AS3MT: variants seen among roughly 807,000 people sequenced by gnomAD.
AS3MT encodes the protein arsenite methyltransferase, also known as S-adenosyl-L-methionine:arsenic(III) methyltransferase.
In AS3MT, 47 loss-of-function variants were observed where a neutral mutation model predicts 45.3. The observed-to-expected ratio is 1.04, with a 90% CI of 0.82 to 1.32. The LOEUF is 1.32. Among genes scored for constraint, AS3MT ranks in the 40% most tolerant of loss-of-function variants. AS3MT has a pLI of 0.00. For missense variants in AS3MT, 396 were observed against 451.1 expected (o/e 0.88, Z 1.11); for synonymous variants, 141 against 152.8 (o/e 0.92, Z 0.57).
At chr10:102,871,669 G>C (rs1440887189) in intron 3 of AS3MT, among the ~76,000 whole-genome samples, 2 of 141,094 alleles carry the variant, frequency 1.4e-5, no homozygotes, top group Admixed American at 7.0e-5. Context: ...CGGAGCTTGC[G>C]GTGAGCTGAG....
Position 102,885,492 on chromosome 10 carries a change from C to T in AS3MT, c.886-5052C>T, listed in dbSNP as rs1226952260. 2.4e-5 allele frequency among the ~76,000 whole-genome samples: 2 copies of T among 82,282 alleles called. 1 individual carries two copies. The highest frequency in any genetic ancestry group is 4.7e-5 in the Non-Finnish European group (2 of 42,972). 54.0% of individuals were successfully genotyped at this position (82,282 alleles called of 152,430 possible). A position where few individuals can be genotyped will look rare whatever the true frequency, so the allele number is the denominator to read the frequency against. The stretch of plus-strand genomic sequence containing the variant: ...TACAGGCGCGTGCCACCACACCCAA[C>T]TAATTTTTTTTTTTTTTTTTTTTTT... On this transcript the variant is annotated intron_variant, in intron 9 of 10. Transcript: ENST00000369880.
chr10:102,884,657 C>T (rs1010606258), intron 9 of AS3MT, among the ~76,000 whole-genome samples: 3 of 152,086 alleles, frequency 2.0e-5, no homozygotes, highest in Non-Finnish European at 4.4e-5. Flanking sequence ...AGCCATTCTC[C>T]TGTCTCAGCC....
chr10:102,870,928 C>T (rs770197840), intron 3 of AS3MT, among the ~76,000 whole-genome samples: 23 of 152,164 alleles, frequency 1.5e-4, no homozygotes, highest in Non-Finnish European at 2.4e-4. Flanking sequence ...TTTCTGTGCA[C>T]GATGTTTTAT....
chr10:102,899,007 C>G (rs977874292), intron 10 of AS3MT, among the ~76,000 whole-genome samples: 7 of 152,176 alleles, frequency 4.6e-5, no homozygotes, highest in African/African-American at 1.7e-4. Flanking sequence ...TCATTTCCTT[C>G]AAGTCTTGAG....
chr10:102,888,109 A>C, intron 9 of AS3MT: 1 of 163,896 alleles, frequency 6.1e-6, no homozygotes, highest in Non-Finnish European at 1.3e-5. Context: ...AAACTGCTCA[A>C]AATTGGCAGC....
chr10:102,888,865 ATATATATATATATATATTTTT>A (rs1845004395), intron 9 of AS3MT, among the ~76,000 whole-genome samples: 1 of 83,542 alleles, frequency 1.2e-5, no homozygotes, highest in African/African-American at 5.2e-5. Flanking sequence ...ATATATATAT[ATATATATATATATATATTTTT>A]TTTTTTTTTT....
At chr10:102,895,849 C>G (rs1168241707) in intron 10 of AS3MT, among the ~76,000 whole-genome samples, 1 of 151,824 alleles carries the variant, frequency 6.6e-6, no homozygotes, top group Non-Finnish European at 1.5e-5. Context: ...GGTCTTGGCT[C>G]ACCGCAACCT....
chr10:102,869,762 C>G, intron 1 of AS3MT, 43 bp from the exon 2 acceptor site: 1 of 1,613,980 alleles, frequency 6.2e-7, no homozygotes, highest in South Asian at 1.1e-5. Flanking sequence ...ATGCCCGTCC[C>G]TCAGCACCCT....
chr10:102,878,657 A>AC (rs956046716), intron 8 of AS3MT, 147 bp downstream of exon 8: 76 of 1,337,744 alleles, frequency 5.7e-5, no homozygotes, highest in Non-Finnish European at 7.4e-5. Flanking sequence ...TACAATGGTA[A>AC]CCCCCCAAAA....
At chr10:102,878,779 C>T (rs573722352) in intron 8 of AS3MT, 70 bp from the exon 9 acceptor site, 1 of 1,553,082 alleles carries the variant, frequency 6.4e-7, no homozygotes, top group African/African-American at 1.4e-5. Flanking sequence ...CGTGTTTGCT[C>T]CTTGTCTGCT....
chr10:102,873,016 C>A, intron 4 of AS3MT, 81 bp from the exon 5 acceptor site: 1 of 1,178,994 alleles, frequency 8.5e-7, no homozygotes, highest in Non-Finnish European at 1.2e-6. Flanking sequence ...GAAGTATATT[C>A]TGTTAGTGAT....
intron 9 of AS3MT, among the ~76,000 whole-genome samples, chr10:102,889,769 G>C (rs1161176484): frequency 2.0e-5 from 3 of 150,562 alleles, no homozygotes; most frequent in Non-Finnish European, 4.4e-5. Context: ...TCCGCCTCCT[G>C]GGTTCAAGCA....
intron 10 of AS3MT, among the ~76,000 whole-genome samples, chr10:102,898,739 T>C (rs1845222586): frequency 6.6e-6 from 1 of 152,196 alleles, no homozygotes; most frequent in Non-Finnish European, 1.5e-5. Context: ...AGTTAATATG[T>C]TTAAGGCACC....
At chr10:102,897,277 G>T (rs1845190317) in intron 10 of AS3MT, among the ~76,000 whole-genome samples, 1 of 151,078 alleles carries the variant, frequency 6.6e-6, no homozygotes, top group Admixed American at 6.6e-5. Flanking sequence ...CCAGCTACTC[G>T]GGAGGCTGAG....
chr10:102,874,113 T>A (rs1364885120), intron 5 of AS3MT, among the ~76,000 whole-genome samples: 2 of 151,946 alleles, frequency 1.3e-5, no homozygotes, highest in East Asian at 3.9e-4. Context: ...ATTAGCTGGG[T>A]GTGGTGGCAC....
In AS3MT at chr10:102,877,042, G is replaced by A. The variant is rs1399379762; in HGVS notation, c.610+7G>A. 6.2e-7 allele frequency: 1 copy of A among 1,613,496 alleles called. No individual in the cohort carries two copies. The highest frequency in any genetic ancestry group is 8.5e-7 in the Non-Finnish European group (1 of 1,179,452). On this transcript the variant is annotated splice_region_variant and intron_variant, in intron 7 of 10. Coordinates refer to ENST00000369880, the MANE Select transcript of AS3MT (RefSeq NM_020682.4). ...ACACACAAAGTTTTATGGGGTAGGT[G>A]ATTTTGTTTAGTTTAGTATTAAGGC...
chr10:102,884,135 C>CGG (rs1175535293), intron 9 of AS3MT, among the ~76,000 whole-genome samples: 7 of 151,916 alleles, frequency 4.6e-5, no homozygotes, highest in Non-Finnish European at 8.8e-5. Flanking sequence ...TGTGCTACCA[C>CGG]ACCCAGCTAA....
intron 1 of AS3MT, 25 bp downstream of exon 1, chr10:102,869,618 GC>G (rs1437928895): frequency 4.5e-6 from 5 of 1,100,752 alleles, no homozygotes; most frequent in Non-Finnish European, 3.7e-6. Context: ...TGGGCGCCCC[GC>G]CCCAGCCCCC....
At chr10:102,896,816 A>T (rs1200102472) in intron 10 of AS3MT, among the ~76,000 whole-genome samples, 2 of 151,826 alleles carry the variant, frequency 1.3e-5, no homozygotes, top group East Asian at 3.9e-4. Context: ...CTCAAAAAAA[A>T]AAAAAAAGAG....
Sources: allele counts gnomAD v4.1 joint callset (sites outside exome capture counted in the v4.1 genomes callset), GRCh38; gene constraint gnomAD v4.1.1; transcripts MANE v1.5; gene names NCBI Gene and HGNC (gene_info 2026-07-23, HGNC 2026-07-21).